Variants in RHOBTB2 observed in about 807,000 individuals in gnomAD.
The protein encoded by RHOBTB2 is rho-related BTB domain-containing protein 2.
Under a neutral mutation model 66.5 loss-of-function variants are expected in RHOBTB2, and 39 were observed. The ratio of observed to expected loss-of-function variants is 0.59; its 90% confidence interval spans 0.45 to 0.77. RHOBTB2 has a LOEUF of 0.77. Among genes scored for constraint, RHOBTB2 ranks in the 30% least tolerant of loss-of-function variants. The probability of loss-of-function intolerance (pLI) is 0.00; values close to 1 mark genes in which losing one functional copy is unlikely to be tolerated. For synonymous variants in RHOBTB2, 390 were observed against 395.0 expected (o/e 0.99, Z 0.15); for missense variants, 755 against 999.1 (o/e 0.76, Z 3.29).
At chr8:23,016,617 G>C (rs1027595902) in intron 9 of RHOBTB2, among the ~76,000 whole-genome samples, 13 of 152,012 alleles carry the variant, frequency 8.6e-5, no homozygotes, top group African/African-American at 2.4e-4. Flanking sequence ...TCACCACGTT[G>C]CCCAGGCTGG....
In RHOBTB2 at chr8:23,018,750, G is replaced by C. The variant is rs1298356396; in HGVS notation, c.*1281G>C. Reference sequence around the variant, plus strand: ...CTTACCCTCAGAGAGTGCTTATGGTGGGTGTTTTTGCGGGGCTGCAATAGG... The same window carrying C: ...CTTACCCTCAGAGAGTGCTTATGGTCGGTGTTTTTGCGGGGCTGCAATAGG... On this transcript the variant is annotated 3_prime_UTR_variant, in exon 10 of 10. Coordinates refer to ENST00000251822, the MANE Select transcript of RHOBTB2 (RefSeq NM_015178.3). 6.6e-6 allele frequency: 1 copy of C among 152,602 alleles called. No homozygotes were observed. The highest frequency in any genetic ancestry group is 1.5e-5 in the Non-Finnish European group (1 of 68,316). The allele number at this position is 152,602 out of a possible 1,614,324, so 9.5% of individuals were successfully genotyped here. A position where few individuals can be genotyped will look rare whatever the true frequency, so the allele number is the denominator to read the frequency against.
At chr8:23,000,783 A>G (rs940184747) in intron 1 of RHOBTB2, among the ~76,000 whole-genome samples, 3 of 151,934 alleles carry the variant, frequency 2.0e-5, no homozygotes, top group Non-Finnish European at 2.9e-5. Flanking sequence ...CATTCAATCC[A>G]TCTCCCTTGA....
At chr8:22,975,087 C>T in the RHOBTB2 span, among the ~76,000 whole-genome samples, 1 of 152,160 alleles carries the variant, frequency 6.6e-6, no homozygotes, top group Admixed American at 6.5e-5. Context: ...ATGGGAGGCG[C>T]CTCCTCTCTC....
At chr8:22,990,510 G>A (rs567509232) in intron 1 of RHOBTB2, among the ~76,000 whole-genome samples, 9 of 152,342 alleles carry the variant, frequency 5.9e-5, no homozygotes, top group Non-Finnish European at 8.8e-5. Flanking sequence ...TTGCAGAGGT[G>A]GCAGCGCGTC....
chr8:22,971,500 C>A, the RHOBTB2 span, among the ~76,000 whole-genome samples: 2 of 152,166 alleles, frequency 1.3e-5, no homozygotes, highest in Non-Finnish European at 2.9e-5. Context: ...TCCTTCACAG[C>A]CAGACTCCTT....
At chr8:22,967,438 G>A in the RHOBTB2 span, among the ~76,000 whole-genome samples, 2 of 151,520 alleles carry the variant, frequency 1.3e-5, no homozygotes, top group African/African-American at 2.4e-5. Context: ...GTGAAACCCC[G>A]TCTCTACTAA....
intron 3 of RHOBTB2, among the ~76,000 whole-genome samples, chr8:23,005,719 G>T (rs1810927526): frequency 6.6e-6 from 1 of 152,204 alleles, no homozygotes; most frequent in South Asian, 2.1e-4. Flanking sequence ...TTTCTCAGCT[G>T]TGAAGTGGTG....
At chr8:22,968,039 T>C in the RHOBTB2 span, among the ~76,000 whole-genome samples, 7 of 151,820 alleles carry the variant, frequency 4.6e-5, no homozygotes, top group African/African-American at 1.7e-4. Flanking sequence ...GCCTGTAGTC[T>C]TAGTTACTCA....
intron 1 of RHOBTB2, among the ~76,000 whole-genome samples, chr8:23,003,884 C>T (rs12678325): frequency 0.079 from 11,960 of 152,252 alleles, 563 homozygotes; most frequent in South Asian, 0.2. Flanking sequence ...GGAAATCCAC[C>T]ACCACCAGAG....
chr8:22,979,474 A>ATG, the RHOBTB2 span, among the ~76,000 whole-genome samples: 1 of 151,720 alleles, frequency 6.6e-6, no homozygotes, highest in Non-Finnish European at 1.5e-5. Context: ...TGTACTGTGG[A>ATG]TGTGTGTGTG....
the RHOBTB2 span, among the ~76,000 whole-genome samples, chr8:22,962,842 A>G: frequency 6.6e-6 from 1 of 152,238 alleles, no homozygotes; most frequent in African/African-American, 2.4e-5. Flanking sequence ...TCTGTAGCCC[A>G]GCAAGCCTCG....
chr8:23,015,302 G>C (rs1373011280), intron 8 of RHOBTB2, among the ~76,000 whole-genome samples: 3 of 152,152 alleles, frequency 2.0e-5, no homozygotes, highest in Admixed American at 6.5e-5. Context: ...CTTGATCCCA[G>C]ATGTGGAGGA....
the RHOBTB2 span, among the ~76,000 whole-genome samples, chr8:22,951,244 CTTTTTTTTT>C: frequency 1.3e-4 from 11 of 87,982 alleles, no homozygotes; most frequent in East Asian, 9.8e-4. Context: ...CTACTTAGCT[CTTTTTTTTT>C]TTTTTTTTTT....
chr8:22,996,572 T>C (rs1810573614), upstream of RHOBTB2, among the ~76,000 whole-genome samples: 1 of 127,350 alleles, frequency 7.9e-6, no homozygotes, highest in African/African-American at 3.2e-5. Context: ...TGTGTGTCTG[T>C]GTGTCTGTGT....
chr8:22,967,772 GATAA>G, the RHOBTB2 span, among the ~76,000 whole-genome samples: 1 of 152,060 alleles, frequency 6.6e-6, no homozygotes, highest in Non-Finnish European at 1.5e-5. Context: ...AGTTTCACAA[GATAA>G]AAAAGTTCTG....
chr8:22,996,348 G>T (rs994996151), upstream of RHOBTB2, among the ~76,000 whole-genome samples: 2 of 152,118 alleles, frequency 1.3e-5, no homozygotes, highest in Non-Finnish European at 2.9e-5. Flanking sequence ...CTACAGCCAC[G>T]CAGCCAGGCA....
intron 7 of RHOBTB2, among the ~76,000 whole-genome samples, chr8:23,014,428 G>A (rs1199348259): frequency 3.3e-5 from 5 of 152,176 alleles, no homozygotes; most frequent in South Asian, 4.1e-4. Context: ...ATTATGTCAC[G>A]GGACATACGT....
upstream of RHOBTB2, among the ~76,000 whole-genome samples, chr8:22,982,647 A>G (rs980910121): frequency 7.9e-5 from 12 of 152,216 alleles, no homozygotes; most frequent in Admixed American, 6.5e-4. Flanking sequence ...GCGCCACTGC[A>G]CTCCAGCCTG....
At chr8:23,011,596 G>A (rs1811150214) in intron 7 of RHOBTB2, among the ~76,000 whole-genome samples, 1 of 152,144 alleles carries the variant, frequency 6.6e-6, no homozygotes, top group Non-Finnish European at 1.5e-5. Flanking sequence ...ATGGGGGAGA[G>A]CCAGCGGCAG....
Sources: gnomAD v4.1 joint callset for allele counts (sites outside exome capture counted in the v4.1 genomes callset) on GRCh38, gnomAD v4.1.1 for gene constraint, MANE v1.5 for transcripts, NCBI Gene and HGNC (gene_info 2026-07-23, HGNC 2026-07-21) for gene names.